RPS6KA3: variants seen among roughly 807,000 people sequenced by gnomAD.
RPS6KA3 encodes the protein ribosomal protein S6 kinase A3, also known as ribosomal protein S6 kinase alpha-3.
RPS6KA3 carries 4 observed loss-of-function variants against 67.2 expected under a neutral mutation model. The ratio of observed to expected loss-of-function variants is 0.06; its 90% CI spans 0.03 to 0.14. The LOEUF (loss-of-function observed/expected upper bound fraction) is 0.14, where lower values mean the gene tolerates loss of function less well. Among genes scored for constraint, RPS6KA3 ranks in the 10% least tolerant of loss-of-function variants. RPS6KA3 has a pLI of 1.00. For synonymous variants in RPS6KA3, 182 were observed against 183.7 expected, an observed-to-expected ratio of 0.99 and a Z score of 0.07; for missense variants, 204 against 559.0, an observed-to-expected ratio of 0.36 and a Z score of 6.40.
At chrX:20,164,636 T>C (rs1407733900) in intron 18 of RPS6KA3, among the ~76,000 whole-genome samples, 2 of 110,556 alleles carry the variant, frequency 1.8e-5, no homozygotes, top group African/African-American at 6.6e-5. Context: ...CCTCCTGCCT[T>C]GGCCTCCCAA....
intron 10 of RPS6KA3, among the ~76,000 whole-genome samples, chrX:20,179,963 C>T (rs1356024431): frequency 9.1e-6 from 1 of 110,387 alleles, no homozygotes; most frequent in African/African-American, 3.3e-5. Context: ...TGGTGGTGCA[C>T]CTGTAGTCCT....
chrX:20,172,900 T>C (rs754482195), intron 14 of RPS6KA3, 29 bp from the exon 15 acceptor site: 21 of 1,183,103 alleles, frequency 1.8e-5, no homozygotes, highest in Middle Eastern at 4.7e-4. Context: ...TGGTGAAGAG[T>C]CCCATAATGC....
At chrX:20,266,522 G>T (rs1308272586) in intron 1 of RPS6KA3, 42 bp downstream of exon 1, 2 of 1,071,163 alleles carry the variant, frequency 1.9e-6, no homozygotes, top group South Asian at 2.0e-5. Context: ...GCGGGGGCGC[G>T]AGGAGGAGAT....
At position 20,236,242 on chromosome X, in the gene RPS6KA3, T is replaced by C. The variant is rs1349236304; in HGVS notation, c.70-1428A>G. ...GCTTATTTGAATATTCTAATGTGTC[T>C]ACAATGTCTACAATGAATACGTATT... On this transcript the variant is annotated intron_variant, in intron 1 of 21. Coordinates refer to ENST00000379565, the MANE Select transcript of RPS6KA3 (RefSeq NM_004586.3). Among the ~76,000 whole-genome samples the C allele has an allele frequency of 6.2e-5, 7 of 112,083 alleles. 1 individual carries two copies. The highest frequency in any genetic ancestry group is 1.6e-4 in the African/African-American group (5 of 30,886).
chrX:20,172,960 G>T, intron 14 of RPS6KA3, 89 bp from the exon 15 acceptor site: 3 of 745,054 alleles, frequency 4.0e-6, no homozygotes, highest in Non-Finnish European at 6.3e-6. Context: ...ATGCATTGTT[G>T]ATGCCCTACA....
intron 1 of RPS6KA3, among the ~76,000 whole-genome samples, chrX:20,255,789 CAAAAAAAAAAAAAA>C (rs766544803): frequency 3.5e-4 from 6 of 17,151 alleles, no homozygotes; most frequent in African/African-American, 1.2e-3. Context: ...AATTTCGTCT[CAAAAAAAAAAAAAA>C]AAAAAAAAAA....
Position 20,249,563 on chromosome X carries a change from C to T in RPS6KA3, c.70-14749G>A, listed in dbSNP as rs111608852. Among the ~76,000 whole-genome samples the T allele has an allele frequency of 5.6e-3, 622 of 111,708 alleles. 5 individuals are homozygous for T. The highest frequency in any genetic ancestry group is 0.019 in the African/African-American group (598 of 30,711). On this transcript the variant is annotated intron_variant, in intron 1 of 21. Transcript: ENST00000379565. ...TTCCCTGATAGTTAACCATGCTGAA[C>T]ATCTTTTCATATGCTTATCTGCTAT...
intron 2 of RPS6KA3, among the ~76,000 whole-genome samples, chrX:20,216,383 A>T (rs1050385045): frequency 1.8e-5 from 2 of 111,152 alleles, no homozygotes; most frequent in Non-Finnish European, 3.8e-5. Context: ...ATCCATTTAA[A>T]CATTTATTTT....
At chrX:20,200,078 GAA>G (rs1466824701) in intron 4 of RPS6KA3, among the ~76,000 whole-genome samples, 2 of 112,128 alleles carry the variant, frequency 1.8e-5, no homozygotes, top group Admixed American at 1.9e-4. Flanking sequence ...CAGAATTTAT[GAA>G]AAGAGACTGA....
intron 2 of RPS6KA3, among the ~76,000 whole-genome samples, chrX:20,212,115 G>A (rs2068731744): frequency 9.0e-6 from 1 of 111,372 alleles, no homozygotes; most frequent in Non-Finnish European, 1.9e-5. Context: ...CTACAATCAG[G>A]CCATGAATTT....
At chrX:20,211,523 T>C (rs1234166256) in intron 2 of RPS6KA3, among the ~76,000 whole-genome samples, 1 of 101,763 alleles carries the variant, frequency 9.8e-6, no homozygotes, top group Non-Finnish European at 2.0e-5. Flanking sequence ...AACTTTTTGG[T>C]AGCACATCCT....
At chrX:20,172,233 G>A (rs2067591369) in intron 15 of RPS6KA3, among the ~76,000 whole-genome samples, 1 of 112,178 alleles carries the variant, frequency 8.9e-6, no homozygotes, top group African/African-American at 3.2e-5. Flanking sequence ...AAACTTTATC[G>A]TAGAGCTAGG....
chrX:20,158,632 C>T (rs1238357295), intron 20 of RPS6KA3, among the ~76,000 whole-genome samples: 4 of 111,583 alleles, frequency 3.6e-5, no homozygotes, highest in Non-Finnish European at 7.5e-5. Flanking sequence ...GGCAAAAGTG[C>T]TTAAAATTGC....
chrX:20,229,627 C>T (rs372868379), intron 2 of RPS6KA3, among the ~76,000 whole-genome samples: 1 of 111,923 alleles, frequency 8.9e-6, no homozygotes, highest in East Asian at 2.8e-4. Flanking sequence ...TCTCAACGTT[C>T]CCTATGTAAA....
chrX:20,226,324 T>C (rs893648952), intron 2 of RPS6KA3, among the ~76,000 whole-genome samples: 12 of 111,464 alleles, frequency 1.1e-4, no homozygotes, highest in Non-Finnish European at 1.7e-4. Context: ...CTATCACAAA[T>C]AGAAACCAAG....
intron 4 of RPS6KA3, among the ~76,000 whole-genome samples, chrX:20,198,552 T>A (rs1242009425): frequency 8.9e-6 from 1 of 111,906 alleles, no homozygotes; most frequent in Non-Finnish European, 1.9e-5. Context: ...GGAGCAAAGA[T>A]AATATGGCAC....
intron 2 of RPS6KA3, among the ~76,000 whole-genome samples, chrX:20,216,135 T>A (rs2068842691): frequency 8.9e-6 from 1 of 112,303 alleles, no homozygotes; most frequent in African/African-American, 3.2e-5. Flanking sequence ...ACAAAAAACT[T>A]ACTTTGTGCA....
At chrX:20,191,762 A>G (rs150912198) in intron 7 of RPS6KA3, among the ~76,000 whole-genome samples, 119 of 111,568 alleles carry the variant, frequency 1.1e-3, no homozygotes, top group Middle Eastern at 4.6e-3. Context: ...AAAATCAATG[A>G]ATTATACACT....
At chrX:20,200,806 C>G (rs1425710875) in intron 4 of RPS6KA3, among the ~76,000 whole-genome samples, 5 of 110,890 alleles carry the variant, frequency 4.5e-5, no homozygotes, top group Non-Finnish European at 5.7e-5. Flanking sequence ...TTTAGCCCCC[C>G]CAGTCAGCTG....
Sources: allele counts gnomAD v4.1 joint callset (sites outside exome capture counted in the v4.1 genomes callset), GRCh38; gene constraint gnomAD v4.1.1; transcripts MANE v1.5; gene names NCBI Gene and HGNC (gene_info 2026-07-23, HGNC 2026-07-21).